SEL1L2: variants seen among roughly 807,000 people sequenced by gnomAD.
SEL1L2 encodes SEL1L2 adaptor subunit of SYVN1 ubiquitin ligase, also known as protein sel-1 homolog 2.
In SEL1L2, 89 loss-of-function variants were observed where a neutral mutation model predicts 98.8. The observed-to-expected ratio is 0.90, with a 90% CI of 0.76 to 1.07. The LOEUF is 1.07. SEL1L2 is among the 50% of genes least tolerant of loss of function. The probability of loss-of-function intolerance (pLI) is 0.00; values close to 1 mark genes in which losing one functional copy is unlikely to be tolerated. For synonymous variants in SEL1L2, 262 were observed against 278.5 expected (o/e 0.94, Z 0.59); for missense variants, 788 against 812.0 (o/e 0.97, Z 0.36).
At chr20:13,933,491 G>A (rs866051517) in intron 2 of SEL1L2, among the ~76,000 whole-genome samples, 21 of 152,190 alleles carry the variant, frequency 1.4e-4, no homozygotes, top group South Asian at 6.2e-4. Context: ...TCTCTATTGC[G>A]GACATTCATA....
intron 2 of SEL1L2, among the ~76,000 whole-genome samples, chr20:13,950,748 C>T (rs1037364633): frequency 6.6e-6 from 1 of 152,134 alleles, no homozygotes; most frequent in African/African-American, 2.4e-5. Flanking sequence ...AGAAAGACCA[C>T]GAGCTACGTT....
rs752785125 is a variant in SEL1L2 at position 13,850,229 on chromosome 20, C to G, written c.1909G>C (p.Glu637Gln). 5 of 1,613,980 alleles carry G rather than the reference C, an allele frequency of 3.1e-6. No homozygotes were observed. In the South Asian group the frequency reaches 5.5e-5, roughly 18 times the overall value. The change falls in exon 19 of 20, where the codon GAA becomes CAA. Residue 637 changes from glutamate to glutamine, a missense_variant. Glu to Gln is a conservative substitution (Grantham distance 29). Transcript: ENST00000284951. Reference protein sequence around the residue: ...IPVLFAVMKLETTHLLRDILF... With the variant: ...IPVLFAVMKLQTTHLLRDILF... ...ATATCCCGGAGCAAATGCGTAGTTTCCAGTTTCATGACGGCAAAGAGCACA... is the reference window on the plus strand; with the variant it reads ...ATATCCCGGAGCAAATGCGTAGTTTGCAGTTTCATGACGGCAAAGAGCACA...
intron 11 of SEL1L2, among the ~76,000 whole-genome samples, chr20:13,876,946 C>T (rs1264850546): frequency 6.6e-6 from 1 of 152,260 alleles, no homozygotes; most frequent in Middle Eastern, 3.4e-3. Flanking sequence ...GCCTCAGCCT[C>T]CCAAGTAGCT....
chr20:13,936,756 T>C (rs1199493690), intron 2 of SEL1L2, among the ~76,000 whole-genome samples: 64 of 152,204 alleles, frequency 4.2e-4, no homozygotes, highest in Admixed American at 4.1e-3. Context: ...AAGCCCTTTT[T>C]CTATTGCAAT....
rs1015174117 is a variant in SEL1L2 at position 13,959,574 on chromosome 20, A to G, written c.59-3443T>C. On this transcript the variant is annotated intron_variant, in intron 1 of 19. Transcript: ENST00000284951. ...AAAAGTCAAACGAATTAGGCTTTGA[A>G]GTTTTGTCTCATCCGCCATATTCAC... Among the ~76,000 whole-genome samples, 4 of 152,282 alleles carry G rather than the reference A, an allele frequency of 2.6e-5. No individual in the cohort carries two copies. In the South Asian group the frequency reaches 6.2e-4, roughly 24 times the overall value.
intron 2 of SEL1L2, among the ~76,000 whole-genome samples, chr20:13,938,817 T>A (rs1261658210): frequency 2.0e-5 from 3 of 152,076 alleles, no homozygotes; most frequent in Non-Finnish European, 4.4e-5. Context: ...AAGCAGTCAA[T>A]AAATATTAAC....
chr20:13,885,249 C>T, intron 10 of SEL1L2, 98 bp downstream of exon 10: 1 of 798,754 alleles, frequency 1.3e-6, no homozygotes, highest in Non-Finnish European at 2.2e-6. Flanking sequence ...TTCTGAGCAA[C>T]TCTTCCACCT....
chr20:13,900,170 A>G (rs912369980), intron 5 of SEL1L2, among the ~76,000 whole-genome samples: 3 of 152,186 alleles, frequency 2.0e-5, no homozygotes, highest in African/African-American at 7.2e-5. Flanking sequence ...CAAGGCTCCT[A>G]CCACACTGAT....
intron 18 of SEL1L2, among the ~76,000 whole-genome samples, chr20:13,852,104 C>A (rs568867639): frequency 6.6e-6 from 1 of 152,324 alleles, no homozygotes; most frequent in East Asian, 1.9e-4. Flanking sequence ...CAGATGATAA[C>A]AGCTTTCATG....
chr20:13,938,388 T>A (rs2049564304), intron 2 of SEL1L2, among the ~76,000 whole-genome samples: 1 of 152,176 alleles, frequency 6.6e-6, no homozygotes, highest in Non-Finnish European at 1.5e-5. Context: ...CCAGAAAACC[T>A]TTTTAATAGC....
At chr20:13,938,141 T>C (rs1033740467) in intron 2 of SEL1L2, among the ~76,000 whole-genome samples, 3 of 150,536 alleles carry the variant, frequency 2.0e-5, no homozygotes, top group Non-Finnish European at 4.4e-5. Context: ...AGAGCAGTGG[T>C]GCGATTTCAG....
chr20:13,867,663 T>C (rs1323630333), intron 14 of SEL1L2, among the ~76,000 whole-genome samples: 2 of 151,884 alleles, frequency 1.3e-5, no homozygotes, highest in African/African-American at 4.9e-5. Flanking sequence ...GGATACCCGG[T>C]AGATGTTGAG....
chr20:13,947,018 G>T (rs931905935), intron 2 of SEL1L2, among the ~76,000 whole-genome samples: 54 of 152,290 alleles, frequency 3.5e-4, no homozygotes, highest in African/African-American at 1.3e-3. Context: ...GGGGACCATG[G>T]ATGACATGTA....
intron 18 of SEL1L2, among the ~76,000 whole-genome samples, chr20:13,857,777 C>T (rs997244012): frequency 6.6e-6 from 1 of 152,178 alleles, no homozygotes; most frequent in African/African-American, 2.4e-5. Context: ...CCTTACTTAG[C>T]AGTTGCTCTA....
At chr20:13,854,476 G>A (rs1377329767) in intron 18 of SEL1L2, among the ~76,000 whole-genome samples, 1 of 152,096 alleles carries the variant, frequency 6.6e-6, no homozygotes, top group Non-Finnish European at 1.5e-5. Flanking sequence ...ATGTTAAAGA[G>A]GTAATCTTTA....
chr20:13,865,489 C>T lies in SEL1L2; in HGVS notation c.1430G>A (p.Gly477Asp), dbSNP rs1412833345. 1 of 1,613,996 alleles carries T rather than the reference C, an allele frequency of 6.2e-7. No homozygotes were observed. The highest frequency in any genetic ancestry group is 2.2e-5 in the East Asian group (1 of 44,872). ...TGTCAGGAATTTCTCAGCCCAGTGG[C>T]CTAGTTCACAGACACCTTTATAAAG... ...VELYKGVCEL[G>D]HWAEKFLTAY... Residue 477 changes from glycine (G) to aspartate (D), a missense_variant, in exon 16 of 20, where the codon GGC becomes GAC. Coordinates refer to ENST00000284951, the MANE Select transcript of SEL1L2 (RefSeq NM_025229.2).
At chr20:13,877,402 A>G (rs893025142) in intron 11 of SEL1L2, 118 bp downstream of exon 11, 8 of 727,018 alleles carry the variant, frequency 1.1e-5, no homozygotes, top group Non-Finnish European at 1.9e-5. Context: ...CCTGTGCTCA[A>G]TGATCTTTCC....
chr20:13,901,582 T>G lies in SEL1L2; in HGVS notation c.549+12200A>C, dbSNP rs886351805. ...TGTCATTATTTTGTAGTTTTATTGC[T>G]TCTAGTCAAAGCTACCATTTCTCAA... On this transcript the variant is annotated intron_variant, in intron 5 of 19. Transcript: ENST00000284951. Among the ~76,000 whole-genome samples the G allele has an allele frequency of 6.2e-4, 95 of 152,324 alleles. 2 individuals are homozygous for G. Among genetic ancestry groups the G allele is most frequent in the African/African-American group, 1.9e-3 (79 of 41,594 alleles).
rs370073922 is a variant in SEL1L2, at chr20:13,865,454, C to A, written c.1465G>T (p.Ala489Ser). The A allele has an allele frequency of 1.1e-5, 17 of 1,613,934 alleles. No homozygotes were observed. The highest frequency in any genetic ancestry group is 1.3e-5 in the Non-Finnish European group (15 of 1,179,968). Residue 489 changes from alanine to serine, a missense_variant, in exon 16 of 20, where the codon GCC (alanine) becomes TCC (serine). By Grantham distance (99) the Ala-to-Ser change is moderately conservative. Transcript: ENST00000284951. Reference protein sequence around the residue: ...WAEKFLTAYFAYKDGDIDSSL... With the variant: ...WAEKFLTAYFSYKDGDIDSSL... Reference sequence around the variant, plus strand: ...GAATCTATATCACCATCCTTATAGGCAAAGTAAGCTGTCAGGAATTTCTCA... The same window carrying A: ...GAATCTATATCACCATCCTTATAGGAAAAGTAAGCTGTCAGGAATTTCTCA...
Sources: allele counts gnomAD v4.1 joint callset (sites outside exome capture counted in the v4.1 genomes callset), GRCh38; gene constraint gnomAD v4.1.1; transcripts MANE v1.5; gene names NCBI Gene and HGNC (gene_info 2026-07-23, HGNC 2026-07-21).